GPT2: variants seen among roughly 807,000 people sequenced by gnomAD.
GPT2 encodes glutamic--pyruvic transaminase 2, also known as alanine aminotransferase 2.
Under a neutral mutation model 56.9 loss-of-function variants are expected in GPT2, and 30 were observed. The ratio of observed to expected loss-of-function variants is 0.53; its 90% CI spans 0.39 to 0.72. GPT2 has a LOEUF of 0.72. Ranked by LOEUF, GPT2 falls within the 30% of genes least tolerant of loss-of-function variation. The pLI, the probability that GPT2 is intolerant of heterozygous loss-of-function variation, is 0.00. For synonymous variants in GPT2, 271 were observed against 283.1 expected, an observed-to-expected ratio of 0.96 and a Z score of 0.43; for missense variants, 542 against 703.4, an observed-to-expected ratio of 0.77 and a Z score of 2.60.
At chr16:46,925,193 G>A (rs996833161) in intron 10 of GPT2, among the ~76,000 whole-genome samples, 6 of 151,966 alleles carry the variant, frequency 3.9e-5, no homozygotes, top group African/African-American at 1.2e-4. Context: ...AATTGCAGGC[G>A]TGAGCCACTG....
chr16:46,925,454 C>T (rs1429986073), intron 10 of GPT2, among the ~76,000 whole-genome samples: 1 of 151,916 alleles, frequency 6.6e-6, no homozygotes, highest in African/African-American at 2.4e-5. Flanking sequence ...ATCTCCTGAC[C>T]TTGTGATCTG....
At chr16:46,901,505 C>T (rs1262910250) in intron 4 of GPT2, among the ~76,000 whole-genome samples, 2 of 152,250 alleles carry the variant, frequency 1.3e-5, no homozygotes, top group Admixed American at 1.3e-4. Flanking sequence ...TTTCTTTCCT[C>T]TGTTTATTTC....
intron 4 of GPT2, among the ~76,000 whole-genome samples, chr16:46,902,421 C>G (rs989297339): frequency 1.6e-4 from 25 of 152,102 alleles, no homozygotes; most frequent in Admixed American, 1.2e-3. Context: ...CAAGCCCTGC[C>G]CATTCCAGGG....
intron 4 of GPT2, among the ~76,000 whole-genome samples, chr16:46,901,256 T>C (rs1199693749): frequency 6.6e-6 from 1 of 152,202 alleles, no homozygotes; most frequent in Non-Finnish European, 1.5e-5. Context: ...CCAGCCCCTT[T>C]CTCTGGCTTT....
At chr16:46,918,828 T>TGCCCC (rs1961224803) in intron 8 of GPT2, 71 bp downstream of exon 8, 1 of 1,569,504 alleles carries the variant, frequency 6.4e-7, no homozygotes, top group Admixed American at 1.7e-5. Context: ...TCCTCTGCCC[T>TGCCCC]GCCCCGTGGT....
At position 46,906,878 on chromosome 16, in the gene GPT2, G is replaced by T; in HGVS notation, c.479G>T (p.Arg160Leu). The change falls in exon 5 of 12, where the codon CGT becomes CTT. Residue 160 changes from arginine (R) to leucine (L), a missense_variant. Arg to Leu is a moderately radical substitution (Grantham distance 102). Coordinates refer to ENST00000340124, the MANE Select transcript of GPT2 (RefSeq NM_133443.4). ...GCTAGCCAGGGTGTCAACTGCATCC[G>T]TGAAGATGTGGCTGCCTACATCACC... ...YSASQGVNCI[R>L]EDVAAYITRR... 1.8e-5 allele frequency: 29 copies of T among 1,614,218 alleles called. No individual in the cohort carries two copies. Among genetic ancestry groups the T allele is most frequent in the Non-Finnish European group, 2.3e-5 (27 of 1,180,024 alleles).
chr16:46,905,798 G>A (rs780260425), intron 4 of GPT2, among the ~76,000 whole-genome samples: 10 of 152,136 alleles, frequency 6.6e-5, no homozygotes, highest in Non-Finnish European at 1.3e-4. Flanking sequence ...CTCTGGATAC[G>A]GAGCTGCCAA....
intron 5 of GPT2, among the ~76,000 whole-genome samples, chr16:46,908,134 C>G (rs895100872): frequency 2.0e-5 from 3 of 151,314 alleles, no homozygotes; most frequent in African/African-American, 7.3e-5. Context: ...GCCTGCAGTC[C>G]TGGGCTTGGG....
At chr16:46,912,304 C>A (rs1465102639) in intron 6 of GPT2, among the ~76,000 whole-genome samples, 1 of 152,200 alleles carries the variant, frequency 6.6e-6, no homozygotes, top group East Asian at 1.9e-4. Context: ...CGGTACCCTC[C>A]TCAGCTGTAC....
At chr16:46,922,443 C>T in intron 9 of GPT2, 27 bp downstream of exon 9, 2 of 1,573,396 alleles carry the variant, frequency 1.3e-6, no homozygotes, top group Non-Finnish European at 1.7e-6. Context: ...GCGTCTGCAC[C>T]CCTGTGGCCG....
chr16:46,903,670 G>A (rs1018272779), intron 4 of GPT2, among the ~76,000 whole-genome samples: 10 of 152,152 alleles, frequency 6.6e-5, no homozygotes, highest in Admixed American at 2.6e-4. Context: ...TCTCAATGGG[G>A]TTGAGGTAAA....
intron 6 of GPT2, 44 bp downstream of exon 6, chr16:46,909,971 G>C: frequency 6.5e-7 from 1 of 1,538,816 alleles, no homozygotes; most frequent in Non-Finnish European, 8.8e-7. Flanking sequence ...GGGTGGGGGT[G>C]GCTGATACAC....
chr16:46,885,422 T>G (rs1960465005), intron 2 of GPT2: 1 of 951,004 alleles, frequency 1.1e-6, no homozygotes, highest in South Asian at 4.9e-5. Context: ...CTGCGGAAAG[T>G]TGGTTCTGTT....
At chr16:46,924,185 C>G in intron 9 of GPT2, 1 of 651,598 alleles carries the variant, frequency 1.5e-6, no homozygotes, top group South Asian at 1.6e-5. Context: ...ACCACCCCAC[C>G]CACTCCGTCT....
chr16:46,910,810 AGGCTGGTCTT>A (rs1483575631), intron 6 of GPT2, among the ~76,000 whole-genome samples: 1 of 152,160 alleles, frequency 6.6e-6, no homozygotes, highest in Non-Finnish European at 1.5e-5. Context: ...TGTGTGTCCC[AGGCTGGTCTT>A]AACTCCTGGC....
In GPT2 at chr16:46,922,452, C is replaced by T. The variant is rs199858904; in HGVS notation, c.1212+36C>T. On this transcript the variant is annotated intron_variant, in intron 9 of 11. Coordinates refer to ENST00000340124, the MANE Select transcript of GPT2 (RefSeq NM_133443.4). The stretch of plus-strand genomic sequence containing the variant: ...TGTGATGCGTCTGCACCCCTGTGGC[C>T]GGGGTCACGAGAGTTCCTGCTGGGC... 4.6e-3 allele frequency: 7,136 copies of T among 1,558,300 alleles called. 25 individuals carry two copies. The highest frequency in any genetic ancestry group is 5.5e-3 in the Non-Finnish European group (6,354 of 1,153,714).
At chr16:46,926,430 CAGAG>C (rs1286841362) in intron 10 of GPT2, among the ~76,000 whole-genome samples, 2 of 150,956 alleles carry the variant, frequency 1.3e-5, no homozygotes, top group Non-Finnish European at 2.9e-5. Flanking sequence ...GCCTGGGTGA[CAGAG>C]GGAGACTCTG....
At chr16:46,908,382 C>T (rs1960979517) in intron 5 of GPT2, among the ~76,000 whole-genome samples, 1 of 145,290 alleles carries the variant, frequency 6.9e-6, no homozygotes, top group South Asian at 2.1e-4. Flanking sequence ...GTCTGCAGTC[C>T]TGGGGTGGGG....
At position 46,906,758 on chromosome 16, in the gene GPT2, C is replaced by T. The variant is rs1454271323; in HGVS notation, c.443-84C>T. ...AGACCCTCACCCCAAACAGGCATCC[C>T]TCTAATTATATGGATGTTAATTATA... On this transcript the variant is annotated intron_variant, in intron 4 of 11. Coordinates refer to ENST00000340124, the MANE Select transcript of GPT2 (RefSeq NM_133443.4). The T allele has an allele frequency of 3.9e-6, 6 of 1,549,704 alleles. 1 individual carries two copies. The highest frequency in any genetic ancestry group is 1.8e-6 in the Non-Finnish European group (2 of 1,129,438).
Sources: gnomAD v4.1 joint callset for allele counts (sites outside exome capture counted in the v4.1 genomes callset) on GRCh38, gnomAD v4.1.1 for gene constraint, MANE v1.5 for transcripts, NCBI Gene and HGNC (gene_info 2026-07-23, HGNC 2026-07-21) for gene names.